The following PXMP4 variants were observed in gnomAD, a reference collection of about 807,000 sequenced individuals.
PXMP4 encodes the protein peroxisomal membrane protein 4.
PXMP4 carries 16 observed loss-of-function variants against 21.6 expected under a neutral mutation model. The observed-to-expected ratio is 0.74, with a 90% CI of 0.50 to 1.13. The LOEUF is 1.13. Ranked by LOEUF, PXMP4 falls within the 50% of genes most tolerant of loss-of-function variation. The pLI is 0.00. For missense variants in PXMP4, 240 were observed against 277.7 expected (o/e 0.86, Z 0.96); for synonymous variants, 127 against 123.8 (o/e 1.03, Z -0.17).
At chr20:33,719,995 T>C in intron 1 of PXMP4, 100 bp downstream of exon 1, 4 of 1,163,820 alleles carry the variant, frequency 3.4e-6, no homozygotes, top group Non-Finnish European at 5.0e-6. Flanking sequence ...CGAGGACTGC[T>C]CCAGGGCAAA....
At position 33,720,196 on chromosome 20, in the gene PXMP4, C is replaced by T. The variant is rs745976306; in HGVS notation, c.12G>A (p.Pro4=). 29 of 1,610,110 alleles carry T rather than the reference C, an allele frequency of 1.8e-5. No homozygotes were observed. Among genetic ancestry groups the T allele is most frequent in the African/African-American group, 1.2e-4 (9 of 75,006 alleles). MAA[P]PQLRALLVVV... is the part of the protein sequence containing the mutation. ...CTACGAGCAGAGCCCTTAGCTGCGG[C>T]GGGGCTGCCATAGTGCGGGCTGCGC... Residue 4 remains proline (P), a synonymous_variant, in exon 1 of 4, where the codon CCG becomes CCA. Coordinates refer to ENST00000409299, the MANE Select transcript of PXMP4 (RefSeq NM_007238.5).
At chr20:33,710,119 C>G (rs1203752892) in intron 3 of PXMP4, among the ~76,000 whole-genome samples, 1 of 145,074 alleles carries the variant, frequency 6.9e-6, no homozygotes, top group South Asian at 2.3e-4. Flanking sequence ...CTATCCAGAA[C>G]CACGCCCTTC....
At position 33,720,173 on chromosome 20, in the gene PXMP4, A is replaced by T; in HGVS notation, c.35T>A (p.Val12Glu). Reference sequence around the variant, plus strand: ...CTTGCGCAGCAGTGCGTTGACGACTACGAGCAGAGCCCTTAGCTGCGGCGG... The same window carrying T: ...CTTGCGCAGCAGTGCGTTGACGACTTCGAGCAGAGCCCTTAGCTGCGGCGG... ...AAPPQLRALL[V>E]VVNALLRKRR... Residue 12 changes from valine to glutamate, a missense_variant, in exon 1 of 4, where the codon GTA becomes GAA. By Grantham distance (121) the Val-to-Glu change is moderately radical. Transcript: ENST00000409299. The T allele has an allele frequency of 6.2e-7, 1 of 1,613,348 alleles. No individual in the cohort carries two copies. Among genetic ancestry groups the T allele is most frequent in the Non-Finnish European group, 8.5e-7 (1 of 1,179,862 alleles).
At position 33,714,992 on chromosome 20, in the gene PXMP4, C is replaced by A. The variant is rs539395862; in HGVS notation, c.114-256G>T. ...TATTTTTAATTATTTAGCGACAGAG[C>A]CTCACTTTGTCTCCCAGGCTGGTGT... is the stretch of plus-strand genomic sequence containing the variant. On this transcript the variant is annotated intron_variant, in intron 1 of 3. Transcript: ENST00000409299. 1.3e-5 allele frequency among the ~76,000 whole-genome samples: 2 copies of A among 152,258 alleles called. 1 individual carries two copies. The highest frequency in any genetic ancestry group is 4.8e-5 in the African/African-American group (2 of 41,558).
intron 1 of PXMP4, among the ~76,000 whole-genome samples, chr20:33,716,846 C>G (rs765318476): frequency 6.6e-6 from 1 of 152,120 alleles, no homozygotes; most frequent in Non-Finnish European, 1.5e-5. Flanking sequence ...TAACACTGTA[C>G]CTATTCAAAA....
rs1363809496 is a variant in PXMP4, at chr20:33,706,378, G to T, written c.*1328C>A. On this transcript the variant is annotated 3_prime_UTR_variant, in exon 4 of 4. Coordinates refer to ENST00000409299, the MANE Select transcript of PXMP4 (RefSeq NM_007238.5). ...AGACTGAGGCAGGAAGATTGCTTGA[G>T]GCTAGGAGGTCGAGACTAGCCCTAG... 6.6e-6 allele frequency: 1 copy of T among 151,680 alleles called. No homozygotes were observed. Among genetic ancestry groups the T allele is most frequent in the Non-Finnish European group, 1.5e-5 (1 of 67,920 alleles). 9.4% of individuals were successfully genotyped at this position (151,680 alleles called of 1,614,324 possible). A position where few individuals can be genotyped will look rare whatever the true frequency, so the allele number is the denominator to read the frequency against.
At position 33,707,638 on chromosome 20, in the gene PXMP4, G is replaced by A; in HGVS notation, c.*68C>T. 2 of 1,557,684 alleles carry A rather than the reference G, an allele frequency of 1.3e-6. No individual in the cohort carries two copies. The highest frequency in any genetic ancestry group is 2.3e-4 in the Middle Eastern group (1 of 4,444). On this transcript the variant is annotated 3_prime_UTR_variant, in exon 4 of 4. Transcript: ENST00000409299. ...GTCTGAGGCCTATGATCTTGAGAAG[G>A]CAGTATCCTTTGGGAGGGTCTGCAT...
chr20:33,703,797 C>T lies in PXMP4; in HGVS notation c.*3909G>A, dbSNP rs2018229842. The T allele has an allele frequency of 6.6e-6, 1 of 152,318 alleles. No individual in the cohort carries two copies. Among genetic ancestry groups the T allele is most frequent in the Non-Finnish European group, 1.5e-5 (1 of 68,112 alleles). 9.4% of individuals were successfully genotyped at this position (152,318 alleles called of 1,614,324 possible). Reference sequence around the variant, plus strand: ...TTGCTCCAAGGATGTGTTCATTCTCCAGCCCTTCAGGCCTGCCAGAGGCTG... The same window carrying T: ...TTGCTCCAAGGATGTGTTCATTCTCTAGCCCTTCAGGCCTGCCAGAGGCTG... On this transcript the variant is annotated 3_prime_UTR_variant, in exon 4 of 4. Coordinates refer to ENST00000409299, the MANE Select transcript of PXMP4 (RefSeq NM_007238.5).
intron 1 of PXMP4, among the ~76,000 whole-genome samples, chr20:33,715,121 C>T (rs184818754): frequency 2.0e-5 from 3 of 152,192 alleles, no homozygotes; most frequent in East Asian, 3.9e-4. Context: ...TGTGCCATCA[C>T]GCTCAGCATA....
intron 2 of PXMP4, among the ~76,000 whole-genome samples, chr20:33,714,152 G>C (rs946756154): frequency 2.6e-5 from 4 of 152,242 alleles, no homozygotes; most frequent in Non-Finnish European, 5.9e-5. Context: ...GCTGAGGCCA[G>C]ACTGCAGAAG....
At chr20:33,710,327 A>G (rs546139805) in intron 3 of PXMP4, among the ~76,000 whole-genome samples, 6 of 135,012 alleles carry the variant, frequency 4.4e-5, no homozygotes, top group Non-Finnish European at 7.9e-5. Context: ...CTACCTCTAC[A>G]CTGAATCACG....
At chr20:33,714,373 G>T (rs1441288649) in intron 2 of PXMP4, among the ~76,000 whole-genome samples, 2 of 152,082 alleles carry the variant, frequency 1.3e-5, no homozygotes, top group African/African-American at 4.8e-5. Flanking sequence ...ACAAAAATTA[G>T]CCAGGTGTGG....
At chr20:33,718,922 G>A (rs1484953427) in intron 1 of PXMP4, among the ~76,000 whole-genome samples, 1 of 152,094 alleles carries the variant, frequency 6.6e-6, no homozygotes, top group Non-Finnish European at 1.5e-5. Flanking sequence ...TTGAGATGGA[G>A]TTTCACTCTG....
intron 3 of PXMP4, among the ~76,000 whole-genome samples, chr20:33,709,068 T>A (rs1276148543): frequency 6.6e-6 from 1 of 151,970 alleles, no homozygotes; most frequent in Non-Finnish European, 1.5e-5. Flanking sequence ...CAAGAGGGGG[T>A]GCATCATCTG....
In PXMP4 at chr20:33,720,175, G is replaced by A. The variant is rs765778936; in HGVS notation, c.33C>T (p.Leu11=). 4.3e-6 allele frequency: 7 copies of A among 1,613,160 alleles called. No homozygotes were observed. In the Admixed American group the frequency reaches 5.0e-5, roughly 12 times the overall value. The change falls in exon 1 of 4, where the codon CTC becomes CTT. Residue 11 remains leucine, a synonymous_variant. Transcript: ENST00000409299. ...TGCGCAGCAGTGCGTTGACGACTAC[G>A]AGCAGAGCCCTTAGCTGCGGCGGGG... is the stretch of plus-strand genomic sequence containing the variant. MAAPPQLRAL[L]VVVNALLRKR...
chr20:33,718,866 A>C (rs2018414809), intron 1 of PXMP4, among the ~76,000 whole-genome samples: 2 of 152,238 alleles, frequency 1.3e-5, no homozygotes, highest in East Asian at 3.8e-4. Context: ...ACCAAGGAAC[A>C]AAATAGATAA....
At chr20:33,711,994 A>C (rs1334685510) in intron 2 of PXMP4, among the ~76,000 whole-genome samples, 3 of 151,938 alleles carry the variant, frequency 2.0e-5, no homozygotes, top group Non-Finnish European at 2.9e-5. Flanking sequence ...AAAAAAAAAA[A>C]AAAAATCACT....
rs188596431 is a variant in PXMP4 at position 33,720,026 on chromosome 20, T to G, written c.113+69A>C. The G allele has an allele frequency of 6.2e-3, 9,188 of 1,478,156 alleles. 98 individuals carry two copies. Among genetic ancestry groups the G allele is most frequent in the South Asian group, 0.027 (2,346 of 87,472 alleles). 91.6% of individuals were successfully genotyped at this position (1,478,156 alleles called of 1,614,324 possible). A position where few individuals can be genotyped will look rare whatever the true frequency, so the allele number is the denominator to read the frequency against. On this transcript the variant is annotated intron_variant, in intron 1 of 3. Transcript: ENST00000409299. ...GCAAACAGCACCGCGGCATCGGACT[T>G]CGAACTCGCGCCTCTGACCCCAGGC... is the stretch of plus-strand genomic sequence containing the variant.
chr20:33,717,531 T>C (rs919955758), intron 1 of PXMP4, among the ~76,000 whole-genome samples: 1 of 146,654 alleles, frequency 6.8e-6, no homozygotes, highest in Non-Finnish European at 1.5e-5. Context: ...TCCCAGCTAC[T>C]TGGGAGGCTG....
Sources: gnomAD v4.1 joint callset for allele counts (sites outside exome capture counted in the v4.1 genomes callset) on GRCh38, gnomAD v4.1.1 for gene constraint, MANE v1.5 for transcripts, NCBI Gene and HGNC (gene_info 2026-07-23, HGNC 2026-07-21) for gene names.